Variants in LHFPL3 observed in about 807,000 individuals in gnomAD.
The protein encoded by LHFPL3 is LHFPL tetraspan subfamily member 3, also known as LHFPL tetraspan subfamily member 3 protein.
Under a neutral mutation model 19.3 loss-of-function variants are expected in LHFPL3, and 5 were observed. The ratio of observed to expected loss-of-function variants is 0.26; its 90% CI spans 0.14 to 0.54. The LOEUF (loss-of-function observed/expected upper bound fraction) is 0.54, where lower values mean the gene tolerates loss of function less well. Among genes scored for constraint, LHFPL3 ranks in the 20% least tolerant of loss-of-function variants. The pLI is 0.94. For missense variants in LHFPL3, 249 were observed against 307.4 expected (o/e 0.81, Z 1.42); for synonymous variants, 133 against 126.2 (o/e 1.05, Z -0.36).
intron 1 of LHFPL3, among the ~76,000 whole-genome samples, chr7:104,451,428 A>G (rs1180198577): frequency 6.6e-6 from 1 of 152,186 alleles, no homozygotes; most frequent in Non-Finnish European, 1.5e-5. Context: ...GGGAAGGAGG[A>G]GTGCTATAAT....
At chr7:104,496,252 G>A (rs1183121223) in intron 1 of LHFPL3, among the ~76,000 whole-genome samples, 2 of 152,146 alleles carry the variant, frequency 1.3e-5, no homozygotes, top group African/African-American at 4.8e-5. Context: ...AGTTTGCTGA[G>A]AATGATGTTT....
intron 1 of LHFPL3, among the ~76,000 whole-genome samples, chr7:104,578,773 G>A (rs1464970482): frequency 6.6e-6 from 1 of 152,134 alleles, no homozygotes; most frequent in Non-Finnish European, 1.5e-5. Context: ...GCATGGCCCT[G>A]AAAATAGTTA....
intron 2 of LHFPL3, chr7:104,894,923 T>A (rs1482874478): frequency 6.6e-6 from 1 of 152,206 alleles, no homozygotes; most frequent in Admixed American, 6.5e-5. Context: ...GTCCAGGTGC[T>A]AATAATCTTA....
chr7:104,565,721 GTCTA>G (rs6150264), intron 1 of LHFPL3, among the ~76,000 whole-genome samples: 62,487 of 143,530 alleles, frequency 0.44, 13,629 homozygotes, highest in Middle Eastern at 0.53. Flanking sequence ...CTGTCTGTCT[GTCTA>G]TCTATCTATC....
At chr7:104,762,242 A>G (rs1217428276) in intron 2 of LHFPL3, among the ~76,000 whole-genome samples, 1 of 152,188 alleles carries the variant, frequency 6.6e-6, no homozygotes, top group African/African-American at 2.4e-5. Context: ...AAGTAAAAGA[A>G]GGACTCAACT....
intron 1 of LHFPL3, among the ~76,000 whole-genome samples, chr7:104,555,935 G>A (rs1276609164): frequency 6.6e-6 from 1 of 152,214 alleles, no homozygotes; most frequent in East Asian, 1.9e-4. Flanking sequence ...CCCCATGCAA[G>A]TCCAGAATCC....
intron 2 of LHFPL3, among the ~76,000 whole-genome samples, chr7:104,848,260 A>C (rs1791349699): frequency 1.3e-5 from 2 of 152,142 alleles, no homozygotes; most frequent in African/African-American, 4.8e-5. Context: ...ATTTGAGGGA[A>C]GCAGCTGTTG....
chr7:104,479,346 C>T (rs1584348391), intron 1 of LHFPL3, among the ~76,000 whole-genome samples: 1 of 152,046 alleles, frequency 6.6e-6, no homozygotes, highest in East Asian at 1.9e-4. Context: ...ATTCCACATC[C>T]TGGACTACTG....
chr7:104,596,881 T>C (rs927327478), intron 1 of LHFPL3, among the ~76,000 whole-genome samples: 3 of 152,214 alleles, frequency 2.0e-5, no homozygotes, highest in African/African-American at 7.2e-5. Flanking sequence ...CAAGTGACCA[T>C]GAGCTCATTT....
At chr7:104,470,622 C>G (rs984380142) in intron 1 of LHFPL3, among the ~76,000 whole-genome samples, 1 of 152,170 alleles carries the variant, frequency 6.6e-6, no homozygotes, top group Non-Finnish European at 1.5e-5. Context: ...CTATCATTCC[C>G]TATTGTACAG....
At chr7:104,768,461 C>A (rs1794497461) in intron 2 of LHFPL3, among the ~76,000 whole-genome samples, 1 of 152,044 alleles carries the variant, frequency 6.6e-6, no homozygotes, top group South Asian at 2.1e-4. Context: ...GCCCTGTCAC[C>A]CACACACCTA....
intron 1 of LHFPL3, among the ~76,000 whole-genome samples, chr7:104,484,784 A>G (rs1195762322): frequency 6.6e-5 from 10 of 152,216 alleles, no homozygotes; most frequent in African/African-American, 2.4e-4. Context: ...AGAGAGCATG[A>G]CAGAGAGACA....
intron 2 of LHFPL3, among the ~76,000 whole-genome samples, chr7:104,798,090 G>T (rs1477844312): frequency 6.6e-6 from 1 of 152,148 alleles, no homozygotes; most frequent in African/African-American, 2.4e-5. Flanking sequence ...AGTTAGGCAT[G>T]GCAGGCCAAG....
chr7:104,894,227 A>G (rs1454258187), intron 2 of LHFPL3, among the ~76,000 whole-genome samples: 2 of 152,224 alleles, frequency 1.3e-5, no homozygotes, highest in Non-Finnish European at 2.9e-5. Context: ...TTAAAATAGC[A>G]TTAATAATAT....
rs1300799342 is a variant in LHFPL3 at position 104,617,263 on chromosome 7, A to C, written c.446-119412A>C. Among the ~76,000 whole-genome samples the C allele has an allele frequency of 2.0e-5, 3 of 152,176 alleles. No homozygotes were observed. The East Asian group carries it at 5.8e-4, about 29-fold the overall frequency. ...AAGCCCAGTGAAATAGACCTTATTA[A>C]TAATAAATTCAGAAATTTTCAAACT... is the stretch of plus-strand genomic sequence containing the variant. On this transcript the variant is annotated intron_variant, in intron 1 of 2. Transcript: ENST00000424859.
In LHFPL3 at chr7:104,386,489, G is replaced by T. The variant is rs80005747; in HGVS notation, c.445+57265G>T. Among the ~76,000 whole-genome samples, 701 of 152,294 alleles carry T rather than the reference G, an allele frequency of 4.6e-3. 2 individuals carry two copies. The highest frequency in any genetic ancestry group is 0.016 in the African/African-American group (668 of 41,572). On this transcript the variant is annotated intron_variant, in intron 1 of 2. Coordinates refer to ENST00000424859, the MANE Select transcript of LHFPL3 (RefSeq NM_199000.3). ...TGAGAGGAACAAGATGTCCACAGGGGTTTAGAAAGTTCTTCCATCCCTAAG... is the reference window on the plus strand; with the variant it reads ...TGAGAGGAACAAGATGTCCACAGGGTTTTAGAAAGTTCTTCCATCCCTAAG...
At chr7:104,808,062 G>A (rs926878024) in intron 2 of LHFPL3, among the ~76,000 whole-genome samples, 2 of 152,170 alleles carry the variant, frequency 1.3e-5, no homozygotes, top group African/African-American at 4.8e-5. Context: ...TCACATTACA[G>A]CCGTGCCTGG....
chr7:104,695,942 T>C (rs911795203), intron 1 of LHFPL3, among the ~76,000 whole-genome samples: 1 of 152,198 alleles, frequency 6.6e-6, no homozygotes, highest in African/African-American at 2.4e-5. Flanking sequence ...GTTGTTTTTT[T>C]GTTTTGTTTT....
chr7:104,559,974 G>T (rs937348258), intron 1 of LHFPL3, among the ~76,000 whole-genome samples: 1 of 150,198 alleles, frequency 6.7e-6, no homozygotes, highest in African/African-American at 2.5e-5. Flanking sequence ...TTATATGCTG[G>T]ATTACATTTA....
Sources: allele counts gnomAD v4.1 joint callset (sites outside exome capture counted in the v4.1 genomes callset), GRCh38; gene constraint gnomAD v4.1.1; transcripts MANE v1.5; gene names NCBI Gene and HGNC (gene_info 2026-07-23, HGNC 2026-07-21).